SEMA5A: variants seen among roughly 807,000 people sequenced by gnomAD.
The protein encoded by SEMA5A is semaphorin 5A.
SEMA5A carries 55 observed loss-of-function variants against 135.5 expected under a neutral mutation model. That is an observed-to-expected ratio of 0.41 (90% CI 0.33 to 0.51). The LOEUF is 0.51. Ranked by LOEUF, SEMA5A falls within the 20% of genes least tolerant of loss-of-function variation. The pLI is 0.37. For missense variants in SEMA5A, 1,290 were observed against 1,419.9 expected, an observed-to-expected ratio of 0.91 and a Z score of 1.47; for synonymous variants, 580 against 546.5, an observed-to-expected ratio of 1.06 and a Z score of -0.85.
At chr5:9,202,370 G>GTTTAATGATGC in intron 8 of SEMA5A, 130 bp from the exon 9 acceptor site, 1 of 776,872 alleles carries the variant, frequency 1.3e-6, no homozygotes, top group Non-Finnish European at 1.9e-6. Flanking sequence ...TAGGACTATT[G>GTTTAATGATGC]GGAGGCCCCG....
intron 8 of SEMA5A, among the ~76,000 whole-genome samples, chr5:9,213,573 G>A (rs1476287635): frequency 6.6e-6 from 1 of 152,176 alleles, no homozygotes; most frequent in Non-Finnish European, 1.5e-5. Context: ...AGCTTTCCAG[G>A]CAGAACAGCG....
chr5:9,202,243 G>A lies in SEMA5A; in HGVS notation c.647-3C>T. 2 of 1,610,962 alleles carry A rather than the reference G, an allele frequency of 1.2e-6. No homozygotes were observed. The highest frequency in any genetic ancestry group is 1.3e-5 in the African/African-American group (1 of 74,906). ...ATAAGATGACACAAAGTTTGGCTCT[G>A]GAAACAATAGAAAAGAGGGAAAAAA... On this transcript the variant is annotated splice_region_variant and splice_polypyrimidine_tract_variant and intron_variant, in intron 8 of 22. Coordinates refer to ENST00000382496, the MANE Select transcript of SEMA5A (RefSeq NM_003966.3).
intron 16 of SEMA5A, among the ~76,000 whole-genome samples, chr5:9,083,467 T>A (rs752371591): frequency 1.3e-5 from 2 of 152,210 alleles, no homozygotes; most frequent in Non-Finnish European, 2.9e-5. Context: ...CTAAGTACCA[T>A]AATTTAAACA....
At chr5:9,252,836 G>T (rs1174216460) in intron 5 of SEMA5A, among the ~76,000 whole-genome samples, 6 of 152,142 alleles carry the variant, frequency 3.9e-5, no homozygotes, top group Admixed American at 3.3e-4. Flanking sequence ...GGGACACCCT[G>T]GGGAGGTGTG....
At chr5:9,295,203 T>G (rs2150594317) in intron 5 of SEMA5A, among the ~76,000 whole-genome samples, 1 of 152,306 alleles carries the variant, frequency 6.6e-6, no homozygotes, top group African/African-American at 2.4e-5. Flanking sequence ...TCAGTAAGCA[T>G]AAAAAGGATT....
intron 1 of SEMA5A, among the ~76,000 whole-genome samples, chr5:9,463,233 C>A (rs191385950): frequency 6.6e-6 from 1 of 152,128 alleles, no homozygotes; most frequent in African/African-American, 2.4e-5. Context: ...TGGATTCTGA[C>A]AACGAATTCT....
Position 9,499,899 on chromosome 5 carries a change from A to G in SEMA5A, c.-175+45685T>C, listed in dbSNP as rs268505. Reference sequence around the variant, plus strand: ...TATAGCAAGAAGAAACCGAAATAAGAAGGCTTGGGGAAAAAAGTCTGAAGC... The same window carrying G: ...TATAGCAAGAAGAAACCGAAATAAGGAGGCTTGGGGAAAAAAGTCTGAAGC... On this transcript the variant is annotated intron_variant, in intron 1 of 22. Transcript: ENST00000382496. 9.2e-3 allele frequency among the ~76,000 whole-genome samples: 1,404 copies of G among 152,276 alleles called. 31 individuals carry two copies. Among genetic ancestry groups the G allele is most frequent in the African/African-American group, 0.032 (1,335 of 41,552 alleles).
chr5:9,522,368 A>G (rs982294583), intron 1 of SEMA5A, among the ~76,000 whole-genome samples: 1 of 152,184 alleles, frequency 6.6e-6, no homozygotes, highest in Admixed American at 6.5e-5. Flanking sequence ...AGATCACCTG[A>G]GGTCAGGAGT....
chr5:9,375,648 G>A (rs534012476), intron 3 of SEMA5A, among the ~76,000 whole-genome samples: 7 of 149,698 alleles, frequency 4.7e-5, no homozygotes, highest in Admixed American at 4.0e-4. Context: ...AGCTAATACA[G>A]TACTGCTGAC....
At chr5:9,246,091 A>C (rs1239860477) in intron 5 of SEMA5A, among the ~76,000 whole-genome samples, 1 of 152,170 alleles carries the variant, frequency 6.6e-6, no homozygotes, top group African/African-American at 2.4e-5. Context: ...GGTGCACTTC[A>C]AAAATATTTC....
At chr5:9,053,651 G>A (rs533079509) in intron 19 of SEMA5A, among the ~76,000 whole-genome samples, 2 of 152,226 alleles carry the variant, frequency 1.3e-5, no homozygotes, top group East Asian at 3.9e-4. Flanking sequence ...CAGACCTCCA[G>A]ACTCCATGGG....
At chr5:9,246,514 C>T (rs1002860457) in intron 5 of SEMA5A, among the ~76,000 whole-genome samples, 25 of 152,242 alleles carry the variant, frequency 1.6e-4, no homozygotes, top group African/African-American at 5.5e-4. Flanking sequence ...TACTGTTCAA[C>T]AGAAATGTTT....
chr5:9,335,669 T>A (rs943749920), intron 4 of SEMA5A, among the ~76,000 whole-genome samples: 4 of 152,218 alleles, frequency 2.6e-5, no homozygotes, highest in Non-Finnish European at 5.9e-5. Flanking sequence ...AAAGCTCATT[T>A]TCCCTCAGGG....
rs1486136307 is a variant in SEMA5A at position 9,044,537 on chromosome 5, G to C, written c.2941C>G (p.Leu981Val). Residue 981 changes from leucine to valine, a missense_variant, in exon 22 of 23, where the codon CTC becomes GTC. Transcript: ENST00000382496. ...MIAVGLSSSI[L>V]GCLLTLLVYT... ...ACGAGCAGGGTGAGGAGGCAGCCGA[G>C]GATGGAGCTGCTCAGCCCCACGGCG... 2 of 1,614,040 alleles carry C rather than the reference G, an allele frequency of 1.2e-6. No individual in the cohort carries two copies. Among genetic ancestry groups the C allele is most frequent in the Admixed American group, 3.3e-5 (2 of 60,020 alleles).
Position 9,377,494 on chromosome 5 carries a change from T to G in SEMA5A, c.124+2329A>C, listed in dbSNP as rs374072617. 2.3e-4 allele frequency among the ~76,000 whole-genome samples: 35 copies of G among 152,248 alleles called. No individual in the cohort carries two copies. The South Asian group carries it at 6.8e-3, about 30-fold the overall frequency. On this transcript the variant is annotated intron_variant, in intron 3 of 22. Transcript: ENST00000382496. Reference sequence around the variant, plus strand: ...TTCTACTGGTTTTAAAGCAGTAATTTTGCTAATTTCACTAAAATTTTCCAG... The same window carrying G: ...TTCTACTGGTTTTAAAGCAGTAATTGTGCTAATTTCACTAAAATTTTCCAG...
Position 9,444,689 on chromosome 5 carries a change from C to T in SEMA5A, c.-174-6837G>A, listed in dbSNP as rs180882747. Among the ~76,000 whole-genome samples the T allele has an allele frequency of 4.7e-3, 708 of 152,246 alleles. 6 individuals are homozygous for T. Among genetic ancestry groups the T allele is most frequent in the African/African-American group, 0.016 (667 of 41,540 alleles). On this transcript the variant is annotated intron_variant, in intron 1 of 22. Coordinates refer to ENST00000382496, the MANE Select transcript of SEMA5A (RefSeq NM_003966.3). ...TCTTTTTCATATAATGACTTATATT[C>T]CTTTGGGTAGATACCCAGTAGTTGC... is the stretch of plus-strand genomic sequence containing the variant.
rs35511867 is a variant in SEMA5A, at chr5:9,363,985, T to TA, written c.124+15837dup. 4.6e-5 allele frequency among the ~76,000 whole-genome samples: 7 copies of TA among 152,278 alleles called. No homozygotes were observed. The East Asian group carries it at 1.4e-3, about 29-fold the overall frequency. Reference sequence around the variant, plus strand: ...AAGCACAGTATTTCATTAGCTCCTTTAAAAAATGTTGCTGAAGAAACCTGG... The same window carrying TA: ...AAGCACAGTATTTCATTAGCTCCTTTAAAAAAATGTTGCTGAAGAAACCTGG... On this transcript the variant is annotated intron_variant, in intron 3 of 22. Coordinates refer to ENST00000382496, the MANE Select transcript of SEMA5A (RefSeq NM_003966.3).
chr5:9,243,905 G>T (rs1748343106), intron 5 of SEMA5A, among the ~76,000 whole-genome samples: 1 of 152,086 alleles, frequency 6.6e-6, no homozygotes, highest in South Asian at 2.1e-4. Context: ...CCGTAATTTA[G>T]AAAAATACAT....
intron 8 of SEMA5A, among the ~76,000 whole-genome samples, chr5:9,220,940 G>A (rs1302309185): frequency 2.0e-5 from 3 of 152,154 alleles, no homozygotes; most frequent in African/African-American, 2.4e-5. Flanking sequence ...TAAGACTGCC[G>A]TCCTCAACAA....
Sources: gnomAD v4.1 joint callset for allele counts (sites outside exome capture counted in the v4.1 genomes callset) on GRCh38, gnomAD v4.1.1 for gene constraint, MANE v1.5 for transcripts, NCBI Gene and HGNC (gene_info 2026-07-23, HGNC 2026-07-21) for gene names.